COL18A1: variants seen among roughly 807,000 people sequenced by gnomAD.
COL18A1 encodes collagen type XVIII alpha 1 chain.
Under a neutral mutation model 168.0 loss-of-function variants are expected in COL18A1, and 133 were observed. That is an observed-to-expected ratio of 0.79 (90% CI 0.69 to 0.91). COL18A1 has a LOEUF of 0.91. Among genes scored for constraint, COL18A1 ranks in the 40% least tolerant of loss-of-function variants. COL18A1 has a pLI of 0.00. For synonymous variants in COL18A1, 949 were observed against 809.0 expected, an observed-to-expected ratio of 1.17 and a Z score of -2.94; for missense variants, 2,126 against 1,925.4, an observed-to-expected ratio of 1.10 and a Z score of -1.95.
In COL18A1 at chr21:45,512,298, CGCT is replaced by C; in HGVS notation, c.3925_3927del (p.Leu1309del). 6.2e-7 allele frequency: 1 copy of C among 1,612,272 alleles called. No individual in the cohort carries two copies. Among genetic ancestry groups the C allele is most frequent in the Non-Finnish European group, 8.5e-7 (1 of 1,179,740 alleles). ...CCCTCGGCCACGGGCCAGGCCTCCT[CGCT>C]GCTGGGGGGCAGGCTCCTGGGGCAG... is the stretch of plus-strand genomic sequence containing the variant. On this transcript the variant is annotated inframe_deletion, in exon 42 of 42. Transcript: ENST00000651438.
At chr21:45,450,786 G>A (rs540313661) in intron 2 of COL18A1, among the ~76,000 whole-genome samples, 29 of 152,290 alleles carry the variant, frequency 1.9e-4, no homozygotes, top group Admixed American at 7.2e-4. Context: ...CCTCCCCACC[G>A]CATCTCAGGC....
rs756656210 is a variant in COL18A1 at position 45,504,547 on chromosome 21, T to G, written c.2859T>G (p.Pro953=). 1 of 1,575,012 alleles carries G rather than the reference T, an allele frequency of 6.3e-7. No homozygotes were observed. Residue 953 remains proline, a synonymous_variant, in exon 34 of 42, where the codon CCT becomes CCG. Transcript: ENST00000651438. The part of the protein sequence containing the change: ...PPGPPGPRGY[P]GIPGPKGESI... ...GCCCCCCAGGCCCACGTGGCTACCCTGGGATTCCAGTAAGTCCCAGCCTGT... is the reference window on the plus strand; with the variant it reads ...GCCCCCCAGGCCCACGTGGCTACCCGGGGATTCCAGTAAGTCCCAGCCTGT...
intron 31 of COL18A1, 30 bp from the exon 32 acceptor site, chr21:45,497,569 C>G (rs1325996483): frequency 6.4e-7 from 1 of 1,552,838 alleles, no homozygotes; most frequent in Non-Finnish European, 8.7e-7. Flanking sequence ...TGGCACATTC[C>G]TGATGGGCAC....
rs1260996414 is a variant in COL18A1, at chr21:45,431,544, CCAGGGGAGGGGGGCAGGCAGGACCA to C, written c.106+26072_106+26096del. On this transcript the variant is annotated intron_variant, in intron 2 of 41. Coordinates refer to ENST00000651438, the MANE Select transcript of COL18A1 (RefSeq NM_001379500.1). ...AGGGGGGCAGGCAGGACTCGGCGGC[CCAGGGGAGGGGGGCAGGCAGGACCA>C]GGCGGCCCTGGGGGTCAGGGGTGGA... Among the ~76,000 whole-genome samples, 30 of 142,644 alleles carry C rather than the reference CCAGGGGAGGGGGGCAGGCAGGACCA, an allele frequency of 2.1e-4. 2 individuals carry two copies. The highest frequency in any genetic ancestry group is 6.7e-4 in the African/African-American group (25 of 37,224). 93.6% of individuals were successfully genotyped at this position (142,644 alleles called of 152,430 possible). A position where few individuals can be genotyped will look rare whatever the true frequency, so the allele number is the denominator to read the frequency against.
rs1223887200 is a variant in COL18A1 at position 45,505,265 on chromosome 21, C to T, written c.3000C>T (p.Gly1000=). 8.1e-6 allele frequency: 13 copies of T among 1,606,742 alleles called. No homozygotes were observed. The highest frequency in any genetic ancestry group is 1.3e-5 in the African/African-American group (1 of 74,690). The change falls in exon 35 of 42, where the codon GGC becomes GGT. Residue 1000 remains glycine, a synonymous_variant. Coordinates refer to ENST00000651438, the MANE Select transcript of COL18A1 (RefSeq NM_001379500.1). ...PGPPGPPSFP[G]PHRQTISVPG... ...CCCCAGGGCCCCCTTCATTTCCTGG[C>T]CCTCACAGGCAGAGTAAGTCAGTGG...
intron 2 of COL18A1, among the ~76,000 whole-genome samples, chr21:45,448,174 T>C (rs1028962123): frequency 6.6e-6 from 1 of 152,240 alleles, no homozygotes; most frequent in Non-Finnish European, 1.5e-5. Flanking sequence ...CAAACCTGCA[T>C]TGACGTTGAT....
At chr21:45,431,040 C>G (rs562070822) in intron 2 of COL18A1, among the ~76,000 whole-genome samples, 1 of 152,326 alleles carries the variant, frequency 6.6e-6, no homozygotes, top group Admixed American at 6.5e-5. Flanking sequence ...CTCAGGCAGG[C>G]ACTGGTCTCT....
rs551851584 is a variant in COL18A1, at chr21:45,502,095, G to A, written c.2684-1916G>A. Among the ~76,000 whole-genome samples, 51 of 150,784 alleles carry A rather than the reference G, an allele frequency of 3.4e-4. 1 individual carries two copies. The South Asian group carries it at 0.01, about 31-fold the overall frequency. The stretch of plus-strand genomic sequence containing the variant: ...AAGGACCCCCAGGGGCTCCACAGCC[G>A]GTCACCTCCCTCTGCAGAAGGACCC... On this transcript the variant is annotated intron_variant, in intron 32 of 41. Coordinates refer to ENST00000651438, the MANE Select transcript of COL18A1 (RefSeq NM_001379500.1).
intron 15 of COL18A1, 148 bp downstream of exon 15, chr21:45,482,969 G>A (rs1235333786): frequency 1.6e-5 from 20 of 1,226,532 alleles, no homozygotes; most frequent in Non-Finnish European, 2.1e-5. Flanking sequence ...CTGTCCATCC[G>A]TCCTGCCGGA....
chr21:45,510,000 G>A (rs866876806), intron 39 of COL18A1, 64 bp from the exon 40 acceptor site: 25 of 1,510,980 alleles, frequency 1.7e-5, no homozygotes, highest in African/African-American at 5.5e-5. Context: ...GGGGTGGTGC[G>A]CCCGGGGCCT....
At chr21:45,476,572 G>C in intron 6 of COL18A1, 92 bp downstream of exon 6, 4 of 1,463,686 alleles carry the variant, frequency 2.7e-6, no homozygotes, top group Non-Finnish European at 3.7e-6. Flanking sequence ...TGTGTGTGAT[G>C]TATGGTGTGT....
chr21:45,493,763 C>T, intron 26 of COL18A1, 188 bp downstream of exon 26: 1 of 600,146 alleles, frequency 1.7e-6, no homozygotes, highest in African/African-American at 1.9e-5. Flanking sequence ...CCGCCGGCCC[C>T]TCGTCCTCTC....
chr21:45,408,261 C>T (rs1007470000), intron 2 of COL18A1, among the ~76,000 whole-genome samples: 7 of 152,376 alleles, frequency 4.6e-5, no homozygotes, highest in African/African-American at 1.2e-4. Context: ...CATGCATACA[C>T]GGGCATGCAC....
Position 45,481,946 on chromosome 21 carries a change from G to A in COL18A1, c.1612-17G>A. On this transcript the variant is annotated splice_polypyrimidine_tract_variant and intron_variant, in intron 13 of 41. Transcript: ENST00000651438. ...GCCGAATGCCATCAAGACCCACTAT[G>A]CTCTGCTCTCCCCCAGGGACCCCCA... 2 of 1,598,792 alleles carry A rather than the reference G, an allele frequency of 1.3e-6. No individual in the cohort carries two copies. The highest frequency in any genetic ancestry group is 1.7e-6 in the Non-Finnish European group (2 of 1,166,208).
At chr21:45,456,293 C>T in intron 2 of COL18A1, 1 of 1,562,548 alleles carries the variant, frequency 6.4e-7, no homozygotes, top group Non-Finnish European at 8.7e-7. Flanking sequence ...GCTCCAACGC[C>T]CTGACGTCCG....
chr21:45,482,522 C>T (rs2035936003), intron 14 of COL18A1, among the ~76,000 whole-genome samples: 1 of 152,108 alleles, frequency 6.6e-6, no homozygotes. Context: ...CTGAAGGGCC[C>T]TTCTTGGGGA....
At chr21:45,490,245 T>C in intron 19 of COL18A1, 30 bp from the exon 20 acceptor site, 2 of 1,550,836 alleles carry the variant, frequency 1.3e-6, no homozygotes, top group Non-Finnish European at 8.7e-7. Flanking sequence ...GTGTGGCCAA[T>C]GCCCTGCGTC....
At chr21:45,421,289 C>T (rs763643550) in intron 2 of COL18A1, 23 of 396,480 alleles carry the variant, frequency 5.8e-5, no homozygotes, top group South Asian at 9.5e-5. Context: ...GGGCCTGGTG[C>T]GGCTGGACAT....
At chr21:45,492,791 C>A (rs1032834536) in intron 24 of COL18A1, 78 bp downstream of exon 24, 9 of 1,137,296 alleles carry the variant, frequency 7.9e-6, no homozygotes, top group South Asian at 1.2e-5. Flanking sequence ...GCAGCCCGGT[C>A]GAGCTGGGGT....
Sources: allele counts gnomAD v4.1 joint callset (sites outside exome capture counted in the v4.1 genomes callset), GRCh38; gene constraint gnomAD v4.1.1; transcripts MANE v1.5; gene names NCBI Gene and HGNC (gene_info 2026-07-23, HGNC 2026-07-21).